GTF3C5: variants seen among roughly 807,000 people sequenced by gnomAD.
GTF3C5 encodes the protein general transcription factor 3C polypeptide 5.
GTF3C5 carries 47 observed loss-of-function variants against 61.0 expected under a neutral mutation model. The ratio of observed to expected loss-of-function variants is 0.77; its 90% confidence interval spans 0.61 to 0.98. The LOEUF is 0.98. Among genes scored for constraint, GTF3C5 ranks in the 50% least tolerant of loss-of-function variants. The pLI, the probability that GTF3C5 is intolerant of heterozygous loss-of-function variation, is 0.00. For missense variants in GTF3C5, 659 were observed against 703.3 expected, an observed-to-expected ratio of 0.94 and a Z score of 0.71; for synonymous variants, 295 against 275.4, an observed-to-expected ratio of 1.07 and a Z score of -0.71.
At chr9:133,055,650 T>C in intron 8 of GTF3C5, 1 of 985,388 alleles carries the variant, frequency 1.0e-6, no homozygotes, top group Non-Finnish European at 1.2e-6. Flanking sequence ...GGGTGACAAA[T>C]TAGCAGCAGT....
chr9:133,053,826 AG>A lies in GTF3C5; in HGVS notation c.874-1del. 6.3e-7 allele frequency: 1 copy of A among 1,597,020 alleles called. No homozygotes were observed. On this transcript the variant is annotated splice_acceptor_variant, in intron 5 of 10. Transcript: ENST00000372097. LOFTEE classifies it high-confidence loss of function. ...CACATTTTCCCCACTTTTCTGTCCC[AG>A]ATAACAGGCCCCTGGCGCAGCCTAT... is the stretch of plus-strand genomic sequence containing the variant.
intron 1 of GTF3C5, among the ~76,000 whole-genome samples, chr9:133,034,566 G>T (rs1356441968): frequency 6.6e-6 from 1 of 152,170 alleles, no homozygotes; most frequent in African/African-American, 2.4e-5. Flanking sequence ...TTCCCTGTCT[G>T]TGGACATTAC....
At chr9:133,041,030 G>A (rs751147291) in intron 1 of GTF3C5, among the ~76,000 whole-genome samples, 1 of 152,256 alleles carries the variant, frequency 6.6e-6, no homozygotes, top group East Asian at 1.9e-4. Flanking sequence ...GGTGAGAAGT[G>A]ACCAGAAGAC....
rs1302331293 is a variant in GTF3C5, at chr9:133,052,088, G to A, written c.797G>A (p.Arg266Gln). 4.4e-6 allele frequency: 7 copies of A among 1,606,574 alleles called. No individual in the cohort carries two copies. The highest frequency in any genetic ancestry group is 6.0e-6 in the Non-Finnish European group (7 of 1,175,912). ...KLFDIRPIWS[R>Q]NAVKANISVH... ...TTTGACATCCGTCCCATCTGGTCCC[G>A]AAATGCTGTCAAGGCCAACATCAGC... The change falls in exon 5 of 11, where the codon CGA becomes CAA. Residue 266 changes from arginine to glutamine, a missense_variant. Arg to Gln is a conservative substitution (Grantham distance 43, BLOSUM62 1). Transcript: ENST00000372097.
chr9:133,033,402 C>A (rs1564193685), intron 1 of GTF3C5, among the ~76,000 whole-genome samples: 1 of 152,168 alleles, frequency 6.6e-6, no homozygotes, highest in Non-Finnish European at 1.5e-5. Flanking sequence ...CACCACAATG[C>A]CACCATACAT....
intron 1 of GTF3C5, 26 bp from the exon 2 acceptor site, chr9:133,042,061 C>T (rs749730215): frequency 1.3e-6 from 2 of 1,557,684 alleles, no homozygotes; most frequent in Non-Finnish European, 1.8e-6. Context: ...CATTGCTTCA[C>T]TCTGTCTCCT....
upstream of GTF3C5, chr9:133,030,994 C>A (rs1408776867): frequency 1.2e-6 from 2 of 1,611,926 alleles, no homozygotes; most frequent in African/African-American, 2.7e-5. Flanking sequence ...CCTGGCGGGC[C>A]CTGCCAGACG....
chr9:133,048,453 C>T (rs957087953), intron 3 of GTF3C5, among the ~76,000 whole-genome samples: 2 of 150,676 alleles, frequency 1.3e-5, no homozygotes, highest in Middle Eastern at 3.8e-3. Flanking sequence ...GCCGAGATCG[C>T]GCCACCGCAC....
At chr9:133,051,461 C>T (rs1850373347) in intron 4 of GTF3C5, among the ~76,000 whole-genome samples, 1 of 152,238 alleles carries the variant, frequency 6.6e-6, no homozygotes, top group South Asian at 2.1e-4. Context: ...CCGGCGCTTC[C>T]CTTACGCAGT....
intron 2 of GTF3C5, 145 bp downstream of exon 2, chr9:133,042,451 C>T (rs1031476815): frequency 1.6e-6 from 1 of 627,320 alleles, no homozygotes; most frequent in Non-Finnish European, 2.8e-6. Flanking sequence ...GCACAGGCCC[C>T]ATCCAGGAGG....
chr9:133,042,098 C>G lies in GTF3C5; in HGVS notation c.165C>G (p.Asp55Glu), dbSNP rs1850054709. 6.2e-7 allele frequency: 1 copy of G among 1,613,118 alleles called. No homozygotes were observed. The highest frequency in any genetic ancestry group is 8.5e-7 in the Non-Finnish European group (1 of 1,179,586). ...GEEGVSRIYADPTKRLELYFR... is the reference protein window; with the variant it reads ...GEEGVSRIYAEPTKRLELYFR... The stretch of plus-strand genomic sequence containing the variant: ...TGGCCTTGCCACAGATCTACGCAGA[C>G]CCCACCAAGAGGCTGGAGCTGTACT... Residue 55 changes from aspartate to glutamate, a missense_variant, in exon 2 of 11, where the codon GAC becomes GAG. Coordinates refer to ENST00000372097, the MANE Select transcript of GTF3C5 (RefSeq NM_012087.4).
intron 1 of GTF3C5, among the ~76,000 whole-genome samples, chr9:133,033,224 C>T (rs1435468089): frequency 2.0e-5 from 3 of 152,140 alleles, no homozygotes; most frequent in Non-Finnish European, 2.9e-5. Flanking sequence ...ACTCCAGTGG[C>T]ATCTGTATAA....
intron 5 of GTF3C5, 137 bp downstream of exon 5, chr9:133,052,301 C>T (rs1404044918): frequency 1.8e-6 from 1 of 557,402 alleles, no homozygotes; most frequent in Non-Finnish European, 3.2e-6. Context: ...CCACCCCCAT[C>T]CTGGCCCATC....
At chr9:133,041,040 CAA>C (rs1850024230) in intron 1 of GTF3C5, among the ~76,000 whole-genome samples, 1 of 152,224 alleles carries the variant, frequency 6.6e-6, no homozygotes, top group African/African-American at 2.4e-5. Context: ...GACCAGAAGA[CAA>C]GAGTGCGAGC....
At chr9:133,030,869 C>G (rs779785987), upstream of GTF3C5, 1 of 960,104 alleles carries the variant, frequency 1.0e-6, no homozygotes, top group Non-Finnish European at 1.6e-6. Context: ...CCTGGAGGCC[C>G]TCGCGTCTTG....
At chr9:133,031,855 T>G in intron 1 of GTF3C5, among the ~76,000 whole-genome samples, 1 of 150,816 alleles carries the variant, frequency 6.6e-6, no homozygotes, top group Non-Finnish European at 1.5e-5. Flanking sequence ...GTAGTTTTGG[T>G]GGGAAGGATG....
intron 1 of GTF3C5, among the ~76,000 whole-genome samples, chr9:133,038,402 C>T (rs1309598441): frequency 6.6e-6 from 1 of 150,886 alleles, no homozygotes; most frequent in African/African-American, 2.4e-5. Context: ...CAGCCTTTTT[C>T]TCCCCAGGGG....
intron 3 of GTF3C5, among the ~76,000 whole-genome samples, chr9:133,045,889 A>C (rs1850187711): frequency 6.6e-6 from 1 of 152,132 alleles, no homozygotes; most frequent in South Asian, 2.1e-4. Context: ...CGCCCACCTC[A>C]GCCTCCCAAG....
intron 1 of GTF3C5, 21 bp downstream of exon 1, chr9:133,031,185 G>C (rs1849721121): frequency 1.3e-6 from 2 of 1,545,566 alleles, no homozygotes; most frequent in East Asian, 4.8e-5. Context: ...GGGAATCTCG[G>C]TGTTGGAATA....
Sources: allele counts gnomAD v4.1 joint callset (sites outside exome capture counted in the v4.1 genomes callset), GRCh38; gene constraint gnomAD v4.1.1; transcripts MANE v1.5; gene names NCBI Gene and HGNC (gene_info 2026-07-23, HGNC 2026-07-21).